Variants in MAST3 observed in about 807,000 individuals in gnomAD.
The protein encoded by MAST3 is microtubule-associated serine/threonine-protein kinase 3.
In MAST3, 43 loss-of-function variants were observed where a neutral mutation model predicts 127.0. The ratio of observed to expected loss-of-function variants is 0.34; its 90% CI spans 0.27 to 0.44. The LOEUF (loss-of-function observed/expected upper bound fraction) is 0.44, where lower values mean the gene tolerates loss of function less well. Among genes scored for constraint, MAST3 ranks in the 20% least tolerant of loss-of-function variants. The probability of loss-of-function intolerance (pLI) is 1.00; values close to 1 mark genes in which losing one functional copy is unlikely to be tolerated. For missense variants in MAST3, 1,390 were observed against 1,919.1 expected (o/e 0.72, Z 5.15); for synonymous variants, 785 against 809.2 (o/e 0.97, Z 0.51).
chr19:18,144,066 A>G lies in MAST3; in HGVS notation c.2584+59A>G, dbSNP rs12460046. 2.1e-5 allele frequency: 32 copies of G among 1,530,796 alleles called. No homozygotes were observed. The highest frequency in any genetic ancestry group is 2.5e-5 in the Non-Finnish European group (28 of 1,139,760). The allele number at this position is 1,530,796 out of a possible 1,614,324, so 94.8% of individuals were successfully genotyped here. A position where few individuals can be genotyped will look rare whatever the true frequency, so the allele number is the denominator to read the frequency against. ...ATGGAAGTTTCCCAGAGGAGGGGCT[A>G]TTTGAGATGGGTTTTCAAGGATGAG... On this transcript the variant is annotated intron_variant, in intron 22 of 27. Coordinates refer to ENST00000687212, the MANE Select transcript of MAST3 (RefSeq NM_001393504.1). This position sits in a 1 kb window ranked among gnomAD's most constrained non-coding sequence, Gnocchi z 4.0.
intron 15 of MAST3, 46 bp from the exon 16 acceptor site, chr19:18,134,533 G>A: frequency 6.4e-7 from 1 of 1,564,106 alleles, no homozygotes; most frequent in East Asian, 2.3e-5. Context: ...GGGAGGCCAG[G>A]CACCCCAGCC....
Position 18,145,290 on chromosome 19 carries a change from C to G in MAST3, c.3039+61C>G. The G allele has an allele frequency of 1.3e-6, 2 of 1,515,812 alleles. No homozygotes were observed. Among genetic ancestry groups the G allele is most frequent in the East Asian group, 4.5e-5 (2 of 44,260 alleles). 93.9% of individuals were successfully genotyped at this position (1,515,812 alleles called of 1,614,324 possible). On this transcript the variant is annotated intron_variant, in intron 24 of 27. Transcript: ENST00000687212. This position sits in a 1 kb window ranked among gnomAD's most constrained non-coding sequence, Gnocchi z 5.9. ...CTAGTTTGACTCTGCCCGGTCATGT[C>G]CCTTCTCAGAGCTGCATTTTGGAGC...
At chr19:18,129,682 T>G (rs1455261354) in intron 13 of MAST3, among the ~76,000 whole-genome samples, 2 of 152,192 alleles carry the variant, frequency 1.3e-5, no homozygotes, top group Non-Finnish European at 2.9e-5. Flanking sequence ...GGAGGCACTT[T>G]GGGAGGCCAA....
chr19:18,097,785 C>A lies in MAST3; in HGVS notation c.-8C>A, dbSNP rs935854277. 1.6e-6 allele frequency: 2 copies of A among 1,218,936 alleles called. No individual in the cohort carries two copies. Among genetic ancestry groups the A allele is most frequent in the Non-Finnish European group, 2.0e-6 (2 of 979,844 alleles). The allele number at this position is 1,218,936 out of a possible 1,614,324, so 75.5% of individuals were successfully genotyped here. Reference sequence around the variant, plus strand: ...GGGGGCGGGCCTGGCGGCGCGGACTCCCGGGCCATGGACGAGTCGAGCCTC... The same window carrying A: ...GGGGGCGGGCCTGGCGGCGCGGACTACCGGGCCATGGACGAGTCGAGCCTC... On this transcript the variant is annotated 5_prime_UTR_variant, in exon 1 of 28. Coordinates refer to ENST00000687212, the MANE Select transcript of MAST3 (RefSeq NM_001393504.1).
chr19:18,121,606 G>A (rs760293969), intron 3 of MAST3, 79 bp from the exon 4 acceptor site: 10 of 1,208,932 alleles, frequency 8.3e-6, no homozygotes, highest in South Asian at 2.6e-5. Flanking sequence ...AACGGGCTGC[G>A]AGTGTGATTT....
Position 18,110,672 on chromosome 19 carries a change from G to A in MAST3, c.92G>A (p.Ser31Asn). 1.0e-6 allele frequency: 1 copy of A among 985,924 alleles called. No individual in the cohort carries two copies. The highest frequency in any genetic ancestry group is 1.2e-6 in the Non-Finnish European group (1 of 829,978). 61.1% of individuals were successfully genotyped at this position (985,924 alleles called of 1,614,324 possible). The change falls in exon 3 of 28, where the codon AGC becomes AAC. Residue 31 changes from serine (S) to asparagine (N), a missense_variant. Coordinates refer to ENST00000687212, the MANE Select transcript of MAST3 (RefSeq NM_001393504.1). This position sits in a 1 kb window ranked among gnomAD's most constrained non-coding sequence, Gnocchi z 4.3. The part of the protein sequence containing the change: ...RGRGLSPSSQ[S>N]PSLLGPSSPC... Reference sequence around the variant, plus strand: ...TGCAGTCTGTCTCCGAGCAGCCAGAGCCCGTCCCTGCTGGGTCCCAGCAGC... The same window carrying A: ...TGCAGTCTGTCTCCGAGCAGCCAGAACCCGTCCCTGCTGGGTCCCAGCAGC...
intron 17 of MAST3, 128 bp from the exon 18 acceptor site, chr19:18,135,612 C>A: frequency 1.5e-6 from 1 of 687,506 alleles, no homozygotes; most frequent in Non-Finnish European, 2.5e-6. Context: ...AAGCCTGCCA[C>A]GTTGCAGGGG....
Position 18,141,878 on chromosome 19 carries a change from C to G in MAST3, c.2206-4C>G. 7.0e-7 allele frequency: 1 copy of G among 1,426,860 alleles called. No individual in the cohort carries two copies. Among genetic ancestry groups the G allele is most frequent in the Non-Finnish European group, 9.3e-7 (1 of 1,075,714 alleles). 88.4% of individuals were successfully genotyped at this position (1,426,860 alleles called of 1,614,324 possible). ...GCTTACCATTCTTTTGTCTTGCCTCCCAGGTCTACAGCAGCTCTGAGTTCC... is the reference window on the plus strand; with the variant it reads ...GCTTACCATTCTTTTGTCTTGCCTCGCAGGTCTACAGCAGCTCTGAGTTCC... On this transcript the variant is annotated splice_polypyrimidine_tract_variant and splice_region_variant and intron_variant, in intron 20 of 27. Coordinates refer to ENST00000687212, the MANE Select transcript of MAST3 (RefSeq NM_001393504.1).
At chr19:18,132,202 G>A (rs1028694711) in intron 15 of MAST3, among the ~76,000 whole-genome samples, 155 bp downstream of exon 15, 1 of 152,204 alleles carries the variant, frequency 6.6e-6, no homozygotes, top group Admixed American at 6.5e-5. Flanking sequence ...CTCCTGACAG[G>A]AAGGCAGGGA....
rs772638403 is a variant in MAST3 at position 18,123,980 on chromosome 19, G to T, written c.675G>T (p.Thr225=). The T allele has an allele frequency of 4.9e-5, 78 of 1,585,546 alleles. No individual in the cohort carries two copies. In the South Asian group the frequency reaches 8.0e-4, roughly 16 times the overall value. Residue 225 remains threonine (T), a synonymous_variant, in exon 9 of 28, where the codon ACG becomes ACT. Coordinates refer to ENST00000687212, the MANE Select transcript of MAST3 (RefSeq NM_001393504.1). ...AGGGCCGTCTGCAGGAGTTCCTGAC[G>T]GCCTACGCGCCCGGCGCCCGGCTGG... The part of the protein sequence containing the change: ...QMEGRLQEFL[T]AYAPGARLAL...
In MAST3 at chr19:18,140,479, C is replaced by A. The variant is rs546803543; in HGVS notation, c.2205+1355C>A. On this transcript the variant is annotated intron_variant, in intron 20 of 27. Coordinates refer to ENST00000687212, the MANE Select transcript of MAST3 (RefSeq NM_001393504.1). ...CTATCTAGCTCTCAAATGTTTGATTCCCCCAAAAATTTGTACCCATTAGCA... is the reference window on the plus strand; with the variant it reads ...CTATCTAGCTCTCAAATGTTTGATTACCCCAAAAATTTGTACCCATTAGCA... Among the ~76,000 whole-genome samples, 12 of 152,292 alleles carry A rather than the reference C, an allele frequency of 7.9e-5. No homozygotes were observed. The South Asian group carries it at 2.5e-3, about 32-fold the overall frequency.
At chr19:18,130,466 C>T in intron 13 of MAST3, 28 bp from the exon 14 acceptor site, 1 of 1,566,564 alleles carries the variant, frequency 6.4e-7, no homozygotes, top group African/African-American at 1.4e-5. Flanking sequence ...GATCTCCGGT[C>T]CCAGCAAGCC....
At position 18,118,050 on chromosome 19, in the gene MAST3, C is replaced by T. The variant is rs1047776328; in HGVS notation, c.162-3635C>T. 5.8e-5 allele frequency: 56 copies of T among 967,862 alleles called. No individual in the cohort carries two copies. In the African/African-American group the frequency reaches 7.2e-4, roughly 12 times the overall value. 60.0% of individuals were successfully genotyped at this position (967,862 alleles called of 1,614,324 possible). A position where few individuals can be genotyped will look rare whatever the true frequency, so the allele number is the denominator to read the frequency against. ...TTCCTTCTCGCCGCCCCCCCATCCC[C>T]GCAGCCCCGTGCGCCCCCCTCCCTG... On this transcript the variant is annotated intron_variant, in intron 3 of 27. Transcript: ENST00000687212.
chr19:18,134,472 T>G (rs2041684580), intron 15 of MAST3, 107 bp from the exon 16 acceptor site: 1 of 1,418,530 alleles, frequency 7.0e-7, no homozygotes, highest in African/African-American at 1.4e-5. Flanking sequence ...GCCCAGGAGT[T>G]GGAGGCAGAG....
intron 20 of MAST3, among the ~76,000 whole-genome samples, chr19:18,139,618 C>A (rs564711677): frequency 6.6e-6 from 1 of 151,562 alleles, no homozygotes; most frequent in South Asian, 2.1e-4. Context: ...AGCCACCACA[C>A]CTGGTCAAAT....
At position 18,124,718 on chromosome 19, in the gene MAST3, C is replaced by G; in HGVS notation, c.1022C>G (p.Thr341Ser). The change falls in exon 11 of 28, where the codon ACT (threonine) becomes AGT (serine). Residue 341 changes from threonine (T) to serine (S), a missense_variant. Transcript: ENST00000687212. ...GCGCGGGAGGGCCAAGGCATTAAGA[C>G]TGACCTTCCACAGTACATCATTGGG... ...GHAREGQGIK[T>S]DLPQYIIGQL... The G allele has an allele frequency of 1.2e-6, 2 of 1,612,026 alleles. No homozygotes were observed. Among genetic ancestry groups the G allele is most frequent in the Non-Finnish European group, 1.7e-6 (2 of 1,179,118 alleles).
intron 3 of MAST3, among the ~76,000 whole-genome samples, chr19:18,118,621 C>T (rs1359599250): frequency 1.3e-5 from 2 of 152,174 alleles, no homozygotes; most frequent in African/African-American, 4.8e-5. Flanking sequence ...GAAATGTTGG[C>T]TCAGAAGCAA....
intron 19 of MAST3, 146 bp downstream of exon 19, chr19:18,137,507 G>T: frequency 1.1e-6 from 1 of 945,610 alleles, no homozygotes; most frequent in Non-Finnish European, 1.6e-6. Context: ...AGCCTTCCAA[G>T]AATCTAGGGC....
chr19:18,144,130 A>G lies in MAST3; in HGVS notation c.2584+123A>G. ...GAGCCAACAAAGGCTTTAAGAGAGG[A>G]GAAGCCAGGGTCCCAGAGAGACCCC... On this transcript the variant is annotated intron_variant, in intron 22 of 27. Coordinates refer to ENST00000687212, the MANE Select transcript of MAST3 (RefSeq NM_001393504.1). The surrounding 1 kb of genome is among the most constrained non-coding windows in gnomAD (Gnocchi z 4.0). 1 of 1,360,774 alleles carries G rather than the reference A, an allele frequency of 7.3e-7. No individual in the cohort carries two copies. The highest frequency in any genetic ancestry group is 9.8e-7 in the Non-Finnish European group (1 of 1,022,502). The allele number at this position is 1,360,774 out of a possible 1,614,324, so 84.3% of individuals were successfully genotyped here.
Sources: allele counts gnomAD v4.1 joint callset (sites outside exome capture counted in the v4.1 genomes callset), GRCh38; gene constraint gnomAD v4.1.1; non-coding constraint Gnocchi (gnomAD v3.1); transcripts MANE v1.5; gene names NCBI Gene and HGNC (gene_info 2026-07-23, HGNC 2026-07-21).